FAM32A: variants seen among roughly 807,000 people sequenced by gnomAD.
The protein encoded by FAM32A is family with sequence similarity 32 member A.
In FAM32A, 9 loss-of-function variants were observed where a neutral mutation model predicts 15.8. The ratio of observed to expected loss-of-function variants is 0.57; its 90% confidence interval spans 0.34 to 1.00. The LOEUF (loss-of-function observed/expected upper bound fraction) is 1.00, where lower values mean the gene tolerates loss of function less well. Among genes scored for constraint, FAM32A ranks in the 50% least tolerant of loss-of-function variants. FAM32A has a pLI of 0.02. For synonymous variants in FAM32A, 64 were observed against 54.9 expected, an observed-to-expected ratio of 1.16 and a Z score of -0.73; for missense variants, 113 against 138.3, an observed-to-expected ratio of 0.82 and a Z score of 0.92.
Position 16,191,673 on chromosome 19 carries a change from G to A in FAM32A, c.*718G>A, listed in dbSNP as rs1018747409. Reference sequence around the variant, plus strand: ...ATTCTTTGAAATGGAACCAGACACAGCCTGCCTCTCAATCCTCAGCTGGGG... The same window carrying A: ...ATTCTTTGAAATGGAACCAGACACAACCTGCCTCTCAATCCTCAGCTGGGG... On this transcript the variant is annotated 3_prime_UTR_variant, in exon 4 of 4. Coordinates refer to ENST00000263384, the MANE Select transcript of FAM32A (RefSeq NM_014077.4). The A allele has an allele frequency of 1.3e-5, 2 of 152,442 alleles. No individual in the cohort carries two copies. Among genetic ancestry groups the A allele is most frequent in the African/African-American group, 4.8e-5 (2 of 41,466 alleles). The allele number at this position is 152,442 out of a possible 1,614,324, so 9.4% of individuals were successfully genotyped here. A position where few individuals can be genotyped will look rare whatever the true frequency, so the allele number is the denominator to read the frequency against.
At chr19:16,186,204 G>T in intron 2 of FAM32A, 1 of 167,870 alleles carries the variant, frequency 6.0e-6, no homozygotes, top group Non-Finnish European at 1.3e-5. Flanking sequence ...ATGTTCAGTG[G>T]ATGCCAGCTC....
intron 3 of FAM32A, 81 bp from the exon 4 acceptor site, chr19:16,190,806 G>A: frequency 2.6e-6 from 3 of 1,167,320 alleles, no homozygotes; most frequent in East Asian, 2.3e-5. Context: ...ATGTGGGAGA[G>A]GTGGGGCTGG....
chr19:16,190,928 C>CA lies in FAM32A; in HGVS notation c.313dup (p.Ile105AsnfsTer74). The CA allele has an allele frequency of 6.2e-7, 1 of 1,614,174 alleles. No homozygotes were observed. The stretch of plus-strand genomic sequence containing the variant: ...TGGACACACTCACGGAGCATTACGA[C>CA]ATTCCCAAAGTCAGCTGGACGAAGT... On this transcript the variant is annotated frameshift_variant, in exon 4 of 4. Coordinates refer to ENST00000263384, the MANE Select transcript of FAM32A (RefSeq NM_014077.4). LOFTEE classifies it high-confidence loss of function.
intron 3 of FAM32A, 90 bp downstream of exon 3, chr19:16,190,663 A>G (rs2091402452): frequency 2.8e-6 from 3 of 1,070,276 alleles, no homozygotes; most frequent in South Asian, 1.3e-5. Flanking sequence ...AGCTGTTGGC[A>G]TGTTGACGAG....
chr19:16,190,983 C>A lies in FAM32A; in HGVS notation c.*28C>A. ...GCCTGCCCCCAGTATGGAGCAGCAT[C>A]GAGGGTTCGCAAAAGGCCACACTGG... On this transcript the variant is annotated 3_prime_UTR_variant, in exon 4 of 4. Transcript: ENST00000263384. 9.4e-6 allele frequency: 15 copies of A among 1,592,494 alleles called. No homozygotes were observed. Among genetic ancestry groups the A allele is most frequent in the Non-Finnish European group, 1.3e-5 (15 of 1,160,360 alleles).
chr19:16,190,446 T>C, intron 2 of FAM32A, 74 bp from the exon 3 acceptor site: 2 of 1,053,578 alleles, frequency 1.9e-6, no homozygotes, highest in Non-Finnish European at 2.9e-6. Context: ...CTGGCCAGGC[T>C]CCATCTTCCA....
chr19:16,185,890 G>C (rs938602410), intron 2 of FAM32A, 125 bp downstream of exon 2: 3 of 1,109,330 alleles, frequency 2.7e-6, no homozygotes, highest in African/African-American at 3.2e-5. Context: ...ATTACGGGGA[G>C]AGGATGCTGT....
chr19:16,190,592 T>TG lies in FAM32A; in HGVS notation c.270+24dup. 1.3e-6 allele frequency: 2 copies of TG among 1,599,138 alleles called. No individual in the cohort carries two copies. Among genetic ancestry groups the TG allele is most frequent in the South Asian group, 1.1e-5 (1 of 90,608 alleles). On this transcript the variant is annotated intron_variant, in intron 3 of 3. Transcript: ENST00000263384. ...AGTGGAGGTGAGTCGCCGTGTCCAG[T>TG]GGGGGAGACTGAGCCATTCAGGGTC...
In FAM32A at chr19:16,189,668, C is replaced by CTT. The variant is rs71178652; in HGVS notation, c.217-827_217-826dup. Among the ~76,000 whole-genome samples the CTT allele has an allele frequency of 4.4e-3, 255 of 58,576 alleles. 35 individuals carry two copies. Among genetic ancestry groups the CTT allele is most frequent in the African/African-American group, 0.014 (201 of 14,764 alleles). 38.4% of individuals were successfully genotyped at this position (58,576 alleles called of 152,430 possible). The stretch of plus-strand genomic sequence containing the variant: ...TGGCTTTATATCCCACACTCCAACT[C>CTT]TTTTTTTTTTTTTTTTTTTTTTTTT... On this transcript the variant is annotated intron_variant, in intron 2 of 3. Transcript: ENST00000263384.
chr19:16,188,064 C>T (rs2091392672), intron 2 of FAM32A, among the ~76,000 whole-genome samples: 1 of 152,180 alleles, frequency 6.6e-6, no homozygotes, highest in African/African-American at 2.4e-5. Flanking sequence ...GCATTTCTTT[C>T]CCTTCTAACC....
rs1043208815 is a variant in FAM32A, at chr19:16,191,195, A to G, written c.*240A>G. ...AGATACACCCTTTTCGTTTGGATGG[A>G]AAGTTTCTAAGTTTATCCAGAGGTA... is the stretch of plus-strand genomic sequence containing the variant. On this transcript the variant is annotated 3_prime_UTR_variant, in exon 4 of 4. Transcript: ENST00000263384. 1 of 510,030 alleles carries G rather than the reference A, an allele frequency of 2.0e-6. No homozygotes were observed. The highest frequency in any genetic ancestry group is 3.6e-5 in the East Asian group (1 of 27,956). 31.6% of individuals were successfully genotyped at this position (510,030 alleles called of 1,614,324 possible).
chr19:16,187,247 T>C (rs2091389461), intron 2 of FAM32A: 1 of 151,964 alleles, frequency 6.6e-6, no homozygotes, highest in South Asian at 2.1e-4. Context: ...GATCACGAAG[T>C]CAGGAGTTCA....
At chr19:16,190,841 C>T (rs1315117437) in intron 3 of FAM32A, 46 bp from the exon 4 acceptor site, 10 of 1,512,510 alleles carry the variant, frequency 6.6e-6, no homozygotes, top group Non-Finnish European at 9.2e-6. Flanking sequence ...CCCCAGTACC[C>T]CACTTGGGTC....
In FAM32A at chr19:16,185,428, G is replaced by A. The variant is rs1475609955; in HGVS notation, c.-15G>A. 1.0e-5 allele frequency: 16 copies of A among 1,551,530 alleles called. No individual in the cohort carries two copies. The highest frequency in any genetic ancestry group is 1.4e-5 in the African/African-American group (1 of 73,252). On this transcript the variant is annotated 5_prime_UTR_variant, in exon 1 of 4. Transcript: ENST00000263384. ...GAAGTGTGGCACTCCAGCTACCGAA[G>A]CACTGGAGAGTGTCATGGAGGCCTA...
intron 3 of FAM32A, 69 bp from the exon 4 acceptor site, chr19:16,190,818 C>T (rs2091402903): frequency 7.8e-7 from 1 of 1,277,908 alleles, no homozygotes; most frequent in African/African-American, 1.5e-5. Context: ...TGGGGCTGGG[C>T]AGTGCCACTT....
Position 16,190,969 on chromosome 19 carries a change from G to C in FAM32A, c.*14G>C, listed in dbSNP as rs778443813. On this transcript the variant is annotated 3_prime_UTR_variant, in exon 4 of 4. Coordinates refer to ENST00000263384, the MANE Select transcript of FAM32A (RefSeq NM_014077.4). Reference sequence around the variant, plus strand: ...TGGACGAAGTAGCCGCCTGCCCCCAGTATGGAGCAGCATCGAGGGTTCGCA... The same window carrying C: ...TGGACGAAGTAGCCGCCTGCCCCCACTATGGAGCAGCATCGAGGGTTCGCA... 2 of 1,610,132 alleles carry C rather than the reference G, an allele frequency of 1.2e-6. No homozygotes were observed. Among genetic ancestry groups the C allele is most frequent in the Non-Finnish European group, 1.7e-6 (2 of 1,176,352 alleles).
At position 16,185,759 on chromosome 19, in the gene FAM32A, G is replaced by A. The variant is rs201841128; in HGVS notation, c.210G>A (p.Glu70=). The part of the protein sequence containing the change: ...PAQAAFEKMQ[E]KRQMERILKK... ...AGGCGGCCTTCGAGAAAATGCAGGA[G>A]AAGCGGGTGAGCAGAAGCAGAAGGC... The change falls in exon 2 of 4, where the codon GAG becomes GAA. Residue 70 remains glutamate (E), a synonymous_variant. Transcript: ENST00000263384. 929 of 1,550,850 alleles carry A rather than the reference G, an allele frequency of 6.0e-4. 8 individuals are homozygous for A. The highest frequency in any genetic ancestry group is 8.0e-4 in the South Asian group (67 of 84,066).
intron 2 of FAM32A, chr19:16,186,448 C>T (rs1187205811): frequency 6.6e-6 from 1 of 152,016 alleles, no homozygotes; most frequent in Non-Finnish European, 1.5e-5. Flanking sequence ...TGGTATTTTT[C>T]GTAGAGATGC....
intron 2 of FAM32A, 59 bp from the exon 3 acceptor site, chr19:16,190,461 A>T: frequency 1.6e-6 from 2 of 1,277,282 alleles, no homozygotes. Context: ...CTTCCACCCC[A>T]TGCCAGCCTG....
Sources: allele counts gnomAD v4.1 joint callset (sites outside exome capture counted in the v4.1 genomes callset), GRCh38; gene constraint gnomAD v4.1.1; transcripts MANE v1.5; gene names NCBI Gene and HGNC (gene_info 2026-07-23, HGNC 2026-07-21).